Variants in MACROD2 observed in about 807,000 individuals in gnomAD.
MACROD2 encodes ADP-ribose glycohydrolase MACROD2.
A neutral mutation model predicts 70.4 loss-of-function variants in MACROD2; 36 were observed. The ratio of observed to expected loss-of-function variants is 0.51; its 90% CI spans 0.39 to 0.68. MACROD2 has a LOEUF of 0.68. Ranked by LOEUF, MACROD2 falls within the 30% of genes least tolerant of loss-of-function variation. The probability of loss-of-function intolerance (pLI) is 0.00; values close to 1 mark genes in which losing one functional copy is unlikely to be tolerated. For synonymous variants in MACROD2, 172 were observed against 178.8 expected (o/e 0.96, Z 0.30); for missense variants, 496 against 538.4 (o/e 0.92, Z 0.78).
intron 15 of MACROD2, among the ~76,000 whole-genome samples, chr20:16,009,291 A>G (rs6043668): frequency 0.031 from 4,668 of 152,326 alleles, 215 homozygotes; most frequent in East Asian, 0.21. Context: ...TGACATTTGT[A>G]TAGAAGCCTG....
chr20:14,509,541 T>G (rs1381811801), intron 4 of MACROD2, among the ~76,000 whole-genome samples: 6 of 152,044 alleles, frequency 3.9e-5, no homozygotes, highest in African/African-American at 1.4e-4. Flanking sequence ...AAGAGTGGAT[T>G]TTGAACTGAT....
chr20:14,018,565 C>T (rs902499126), intron 2 of MACROD2, among the ~76,000 whole-genome samples: 2 of 152,062 alleles, frequency 1.3e-5, no homozygotes, highest in Non-Finnish European at 2.9e-5. Flanking sequence ...TGATTTTTAT[C>T]TCTTAAGTTA....
intron 4 of MACROD2, among the ~76,000 whole-genome samples, chr20:14,591,770 C>G (rs1443121249): frequency 6.6e-6 from 1 of 152,168 alleles, no homozygotes; most frequent in Non-Finnish European, 1.5e-5. Context: ...AGTATTACAA[C>G]ACACTTTCGC....
chr20:15,553,601 G>A (rs1398119987), intron 8 of MACROD2, among the ~76,000 whole-genome samples: 1 of 152,018 alleles, frequency 6.6e-6, no homozygotes, highest in African/African-American at 2.4e-5. Context: ...GTAATTTTTA[G>A]TAGAGTTGGG....
chr20:14,757,598 T>A, intron 5 of MACROD2: 1 of 1,128,186 alleles, frequency 8.9e-7, no homozygotes, highest in Non-Finnish European at 1.3e-6. Context: ...TTGCCATTTA[T>A]GACTCCTTTT....
At chr20:14,762,945 A>G (rs547150728) in intron 5 of MACROD2, among the ~76,000 whole-genome samples, 2 of 152,180 alleles carry the variant, frequency 1.3e-5, no homozygotes, top group African/African-American at 4.8e-5. Context: ...ACAAACAAAC[A>G]AACAAACAAA....
intron 6 of MACROD2, among the ~76,000 whole-genome samples, chr20:15,401,393 C>T (rs776213587): frequency 9.2e-5 from 14 of 152,236 alleles, no homozygotes; most frequent in Admixed American, 6.5e-4. Flanking sequence ...CTATCTTTCA[C>T]GGGGGCTTTC....
intron 4 of MACROD2, among the ~76,000 whole-genome samples, chr20:14,649,129 T>A (rs1259679870): frequency 6.6e-6 from 1 of 152,174 alleles, no homozygotes; most frequent in Non-Finnish European, 1.5e-5. Context: ...TGCCCAGTTT[T>A]GTTAAAGAAA....
chr20:14,365,004 C>G (rs775460712), intron 3 of MACROD2, among the ~76,000 whole-genome samples: 32 of 152,176 alleles, frequency 2.1e-4, no homozygotes, highest in Non-Finnish European at 3.8e-4. Context: ...GGAAGTATTT[C>G]TTCCGCTGCT....
intron 8 of MACROD2, among the ~76,000 whole-genome samples, chr20:15,787,084 G>A (rs1262217688): frequency 1.3e-5 from 2 of 151,998 alleles, no homozygotes; most frequent in Non-Finnish European, 2.9e-5. Flanking sequence ...CGATTCTCCT[G>A]CCTCAGCCTC....
intron 8 of MACROD2, among the ~76,000 whole-genome samples, chr20:15,836,925 T>G: frequency 6.6e-6 from 1 of 152,218 alleles, no homozygotes; most frequent in East Asian, 1.9e-4. Flanking sequence ...AAGGTTTGCC[T>G]TGCTAAATGG....
intron 8 of MACROD2, among the ~76,000 whole-genome samples, chr20:15,674,198 T>C (rs972189725): frequency 6.6e-6 from 1 of 152,022 alleles, no homozygotes; most frequent in Non-Finnish European, 1.5e-5. Context: ...TTACAAAATA[T>C]GGTAAGACCA....
intron 5 of MACROD2, among the ~76,000 whole-genome samples, chr20:14,941,489 G>A (rs1437741053): frequency 3.3e-5 from 5 of 152,026 alleles, no homozygotes; most frequent in Non-Finnish European, 7.4e-5. Flanking sequence ...GTGAATTAGT[G>A]GAAAATTTCT....
intron 5 of MACROD2, among the ~76,000 whole-genome samples, chr20:14,811,962 G>C (rs112763364): frequency 6.6e-6 from 1 of 151,978 alleles, no homozygotes; most frequent in Non-Finnish European, 1.5e-5. Context: ...ACATAGGAAC[G>C]CTTTACACTG....
chr20:15,467,397 G>T (rs1035280932), intron 7 of MACROD2, among the ~76,000 whole-genome samples: 2 of 152,192 alleles, frequency 1.3e-5, no homozygotes, highest in East Asian at 1.9e-4. Flanking sequence ...CTGCCTGAAG[G>T]TCAGCTTGTG....
At chr20:14,743,557 G>A (rs1177280605) in intron 5 of MACROD2, among the ~76,000 whole-genome samples, 2 of 152,164 alleles carry the variant, frequency 1.3e-5, no homozygotes, top group Non-Finnish European at 2.9e-5. Flanking sequence ...CTTCCCAAAT[G>A]TCCCAGTTAA....
At chr20:15,831,836 G>T (rs2064059509) in intron 8 of MACROD2, among the ~76,000 whole-genome samples, 1 of 152,048 alleles carries the variant, frequency 6.6e-6, no homozygotes, top group Non-Finnish European at 1.5e-5. Flanking sequence ...GCATTTATTT[G>T]GGAAGCAATC....
intron 5 of MACROD2, among the ~76,000 whole-genome samples, chr20:15,014,395 A>G (rs1452273115): frequency 6.6e-6 from 1 of 152,180 alleles, no homozygotes; most frequent in African/African-American, 2.4e-5. Context: ...TTACCCAACT[A>G]TCAATATTTT....
At position 14,634,564 on chromosome 20, in the gene MACROD2, A is replaced by G. The variant is rs1306033896; in HGVS notation, c.302-50279A>G. Among the ~76,000 whole-genome samples the G allele has an allele frequency of 8.0e-5, 9 of 113,024 alleles. No homozygotes were observed. In the Admixed American group the frequency reaches 1.2e-3, roughly 15 times the overall value. 74.1% of individuals were successfully genotyped at this position (113,024 alleles called of 152,430 possible). ...CCTCCCCCCGCCCAACTGGAGTTTA[A>G]TTTATTTTCCTATATGGTCCTGTCA... On this transcript the variant is annotated intron_variant, in intron 4 of 17. Coordinates refer to ENST00000684519, the MANE Select transcript of MACROD2 (RefSeq NM_001351661.2).
Sources: allele counts gnomAD v4.1 joint callset (sites outside exome capture counted in the v4.1 genomes callset), GRCh38; gene constraint gnomAD v4.1.1; transcripts MANE v1.5; gene names NCBI Gene and HGNC (gene_info 2026-07-23, HGNC 2026-07-21).